RGS17: variants seen among roughly 807,000 people sequenced by gnomAD.
RGS17 encodes the protein regulator of G-protein signaling 17.
In RGS17, 12 loss-of-function variants were observed where a neutral mutation model predicts 25.5. The ratio of observed to expected loss-of-function variants is 0.47; its 90% CI spans 0.30 to 0.76. The LOEUF (loss-of-function observed/expected upper bound fraction) is 0.76, where lower values mean the gene tolerates loss of function less well. RGS17 is among the 30% of genes least tolerant of loss of function. The probability of loss-of-function intolerance (pLI) is 0.07; values close to 1 mark genes in which losing one functional copy is unlikely to be tolerated. For synonymous variants in RGS17, 71 were observed against 76.9 expected, an observed-to-expected ratio of 0.92 and a Z score of 0.40; for missense variants, 196 against 242.2, an observed-to-expected ratio of 0.81 and a Z score of 1.27.
intron 1 of RGS17, among the ~76,000 whole-genome samples, chr6:153,068,414 T>C (rs946980555): frequency 9.9e-5 from 15 of 152,110 alleles, no homozygotes; most frequent in Non-Finnish European, 1.9e-4. Context: ...GCCACTGCAC[T>C]CCAGCCTGAG....
At chr6:153,119,893 T>G (rs1431525024) in intron 1 of RGS17, among the ~76,000 whole-genome samples, 1 of 152,192 alleles carries the variant, frequency 6.6e-6, no homozygotes, top group Non-Finnish European at 1.5e-5. Context: ...TTGGGACAAT[T>G]TAGAATGTAT....
At chr6:153,120,234 A>G (rs981975563) in intron 1 of RGS17, among the ~76,000 whole-genome samples, 1 of 152,218 alleles carries the variant, frequency 6.6e-6, no homozygotes, top group African/African-American at 2.4e-5. Flanking sequence ...GAGGCTTTTT[A>G]ATCAATGGCG....
chr6:153,125,679 C>T (rs1777693738), intron 1 of RGS17, among the ~76,000 whole-genome samples: 1 of 151,972 alleles, frequency 6.6e-6, no homozygotes, highest in African/African-American at 2.4e-5. Context: ...CAAGCAAAAC[C>T]CCGACTCTAC....
chr6:153,028,001 G>A (rs182995054), intron 2 of RGS17, among the ~76,000 whole-genome samples: 4 of 152,250 alleles, frequency 2.6e-5, no homozygotes, highest in Admixed American at 2.0e-4. Flanking sequence ...GGAGAGAATG[G>A]AGCAAAGGGA....
At chr6:153,111,496 G>A (rs1349536721) in intron 1 of RGS17, among the ~76,000 whole-genome samples, 12 of 152,188 alleles carry the variant, frequency 7.9e-5, no homozygotes, top group African/African-American at 2.7e-4. Context: ...CTGGGGGAAG[G>A]GGTGGCTGTG....
chr6:153,103,162 G>C (rs1391549216), intron 1 of RGS17, among the ~76,000 whole-genome samples: 2 of 152,140 alleles, frequency 1.3e-5, no homozygotes, highest in African/African-American at 4.8e-5. Flanking sequence ...AGATATACAG[G>C]AGGATCTAAC....
chr6:153,024,253 G>C lies in RGS17; in HGVS notation c.444+9C>G. 1 of 1,586,892 alleles carries C rather than the reference G, an allele frequency of 6.3e-7. No homozygotes were observed. The highest frequency in any genetic ancestry group is 8.6e-7 in the Non-Finnish European group (1 of 1,158,354). On this transcript the variant is annotated intron_variant, in intron 4 of 4. Coordinates refer to ENST00000206262, the MANE Select transcript of RGS17 (RefSeq NM_012419.5). ...AGGAAGCCCACCTCAATGTTTTCCA[G>C]ATTTTTACCTCTTTTGGTGATAGTA...
intron 1 of RGS17, among the ~76,000 whole-genome samples, chr6:153,069,156 G>A (rs1351722941): frequency 3.3e-5 from 5 of 152,096 alleles, no homozygotes; most frequent in African/African-American, 1.2e-4. Context: ...CTGCACTCCC[G>A]TGTTTGTTGT....
At chr6:153,039,892 G>C (rs1287976925) in intron 2 of RGS17, among the ~76,000 whole-genome samples, 1 of 152,174 alleles carries the variant, frequency 6.6e-6, no homozygotes, top group Non-Finnish European at 1.5e-5. Context: ...GGAGCCTTCA[G>C]TATCTTTCAA....
In RGS17 at chr6:153,112,858, A is replaced by G. The variant is rs1777493393; in HGVS notation, c.-26+18266T>C. On this transcript the variant is annotated intron_variant, in intron 1 of 4. Coordinates refer to ENST00000206262, the MANE Select transcript of RGS17 (RefSeq NM_012419.5). The stretch of plus-strand genomic sequence containing the variant: ...AGCAAAGGAGAATGACATCCTTTAC[A>G]GACAAGCAAATGCTGAGAGATTTTG... 2.0e-5 allele frequency among the ~76,000 whole-genome samples: 3 copies of G among 152,212 alleles called. No homozygotes were observed. In the South Asian group the frequency reaches 6.2e-4, roughly 31 times the overall value.
intron 1 of RGS17, among the ~76,000 whole-genome samples, chr6:153,118,866 GATT>G (rs1777580889): frequency 6.6e-6 from 1 of 151,984 alleles, no homozygotes; most frequent in East Asian, 1.9e-4. Context: ...TTTGGTGTAG[GATT>G]ATTATACATA....
At chr6:153,066,798 T>A (rs969328151) in intron 1 of RGS17, among the ~76,000 whole-genome samples, 3 of 152,124 alleles carry the variant, frequency 2.0e-5, no homozygotes, top group Admixed American at 1.3e-4. Context: ...TCCCAGCACT[T>A]TGGGAGGCCA....
intron 1 of RGS17, among the ~76,000 whole-genome samples, chr6:153,122,921 T>C (rs2061185826): frequency 1.3e-5 from 1 of 74,426 alleles, no homozygotes; most frequent in African/African-American, 6.0e-5. Context: ...CAATTCACAA[T>C]GAAGCCTTTT....
intron 1 of RGS17, among the ~76,000 whole-genome samples, chr6:153,111,878 G>A (rs1182273473): frequency 6.6e-6 from 1 of 152,172 alleles, no homozygotes; most frequent in Admixed American, 6.5e-5. Context: ...AAACAGAAAG[G>A]AATAGCATCA....
rs185317219 is a variant in RGS17 at position 153,130,180 on chromosome 6, C to T, written c.-26+944G>A. On this transcript the variant is annotated intron_variant, in intron 1 of 4. Coordinates refer to ENST00000206262, the MANE Select transcript of RGS17 (RefSeq NM_012419.5). This position sits in a 1 kb window ranked among gnomAD's most constrained non-coding sequence, Gnocchi z 6.4. Reference sequence around the variant, plus strand: ...GGGAGGCAGAGAGAAGAGGAGAAAGCGGCCGTGTCTGCACCCAGCCTCTGC... The same window carrying T: ...GGGAGGCAGAGAGAAGAGGAGAAAGTGGCCGTGTCTGCACCCAGCCTCTGC... Among the ~76,000 whole-genome samples, 775 of 152,202 alleles carry T rather than the reference C, an allele frequency of 5.1e-3. 8 individuals carry two copies. The highest frequency in any genetic ancestry group is 7.8e-3 in the Non-Finnish European group (531 of 67,994).
At chr6:153,033,312 G>A (rs112086444) in intron 2 of RGS17, among the ~76,000 whole-genome samples, 114 of 152,184 alleles carry the variant, frequency 7.5e-4, no homozygotes, top group African/African-American at 2.6e-3. Flanking sequence ...AAATCTACAC[G>A]GTACGTTTAT....
At chr6:153,012,455 C>A (rs1178750777) in intron 4 of RGS17, among the ~76,000 whole-genome samples, 1 of 152,154 alleles carries the variant, frequency 6.6e-6, no homozygotes, top group Non-Finnish European at 1.5e-5. Context: ...ATAATCAATA[C>A]AGTGTTATTT....
chr6:153,043,121 T>C (rs1776343027), intron 2 of RGS17, among the ~76,000 whole-genome samples: 1 of 152,214 alleles, frequency 6.6e-6, no homozygotes, highest in South Asian at 2.1e-4. Flanking sequence ...CTGAGCTCCC[T>C]GGATCATGGA....
At chr6:153,108,182 A>G (rs1336141397) in intron 1 of RGS17, among the ~76,000 whole-genome samples, 1 of 152,168 alleles carries the variant, frequency 6.6e-6, no homozygotes, top group African/African-American at 2.4e-5. Context: ...AGCACATTAT[A>G]CAGCCTCCGT....
Sources: allele counts gnomAD v4.1 joint callset (sites outside exome capture counted in the v4.1 genomes callset), GRCh38; gene constraint gnomAD v4.1.1; non-coding constraint Gnocchi (gnomAD v3.1); transcripts MANE v1.5; gene names NCBI Gene and HGNC (gene_info 2026-07-23, HGNC 2026-07-21).